CELF4: variants seen among roughly 807,000 people sequenced by gnomAD.
CELF4 encodes CUGBP Elav-like family member 4, also known as CUG-BP- and ETR-3-like factor 4.
A neutral mutation model predicts 59.9 loss-of-function variants in CELF4; 18 were observed. That is an observed-to-expected ratio of 0.30 (90% CI 0.21 to 0.45). CELF4 has a LOEUF of 0.45. CELF4 is among the 20% of genes least tolerant of loss of function. The pLI, the probability that CELF4 is intolerant of heterozygous loss-of-function variation, is 1.00. For synonymous variants in CELF4, 261 were observed against 267.1 expected (o/e 0.98, Z 0.22); for missense variants, 456 against 689.0 (o/e 0.66, Z 3.79).
chr18:37,428,952 C>T (rs2099631354), intron 2 of CELF4, among the ~76,000 whole-genome samples: 1 of 152,174 alleles, frequency 6.6e-6, no homozygotes, highest in African/African-American at 2.4e-5. Context: ...TGGACTGTGT[C>T]TTATTCACCT....
chr18:37,476,320 C>G (rs1288734386), intron 2 of CELF4, among the ~76,000 whole-genome samples: 1 of 152,224 alleles, frequency 6.6e-6, no homozygotes, highest in Non-Finnish European at 1.5e-5. Context: ...GTTGGGCACA[C>G]CAGGCTCACC....
intron 11 of CELF4, among the ~76,000 whole-genome samples, chr18:37,257,243 C>T (rs1035220239): frequency 1.3e-5 from 2 of 152,184 alleles, no homozygotes; most frequent in Non-Finnish European, 2.9e-5. Context: ...GGAGACTAAA[C>T]CTGTTCCAGC....
At position 37,564,296 on chromosome 18, in the gene CELF4, C is replaced by T. The variant is rs182013648; in HGVS notation, c.286+1060G>A. Among the ~76,000 whole-genome samples the T allele has an allele frequency of 1.7e-3, 256 of 152,234 alleles. 1 individual carries two copies. Among genetic ancestry groups the T allele is most frequent in the African/African-American group, 6.0e-3 (249 of 41,556 alleles). Reference sequence around the variant, plus strand: ...CATCCTATATATTACTGTTAGGAAGCGGAGCACTGGGCTAATTTCGTCACC... The same window carrying T: ...CATCCTATATATTACTGTTAGGAAGTGGAGCACTGGGCTAATTTCGTCACC... On this transcript the variant is annotated intron_variant, in intron 1 of 12. Transcript: ENST00000420428.
intron 2 of CELF4, among the ~76,000 whole-genome samples, chr18:37,352,485 A>G (rs983317742): frequency 1.3e-5 from 2 of 152,080 alleles, no homozygotes; most frequent in African/African-American, 4.8e-5. Flanking sequence ...TCTATAAAAA[A>G]TAATTAGCCA....
intron 2 of CELF4, among the ~76,000 whole-genome samples, chr18:37,322,553 C>T (rs1489360537): frequency 6.6e-6 from 1 of 152,172 alleles, no homozygotes; most frequent in Non-Finnish European, 1.5e-5. Flanking sequence ...GCCTGACTCC[C>T]CTAGCCGCCG....
Position 37,254,037 on chromosome 18 carries a change from G to T in CELF4, c.1334-99C>A. On this transcript the variant is annotated intron_variant, in intron 11 of 12. Transcript: ENST00000420428. This position sits in a 1 kb window ranked among gnomAD's most constrained non-coding sequence, Gnocchi z 5.1. Reference sequence around the variant, plus strand: ...GGGGACAGGGGGGCGGGGCGGGCCTGAGGCTCTCCCCCTCGGGCCCCGCCC... The same window carrying T: ...GGGGACAGGGGGGCGGGGCGGGCCTTAGGCTCTCCCCCTCGGGCCCCGCCC... The T allele has an allele frequency of 1.1e-6, 1 of 897,344 alleles. No homozygotes were observed. The highest frequency in any genetic ancestry group is 4.3e-5 in the Admixed American group (1 of 23,068). The allele number at this position is 897,344 out of a possible 1,614,324, so 55.6% of individuals were successfully genotyped here.
chr18:37,353,370 G>A (rs2098499666), intron 2 of CELF4, among the ~76,000 whole-genome samples: 1 of 151,834 alleles, frequency 6.6e-6, no homozygotes, highest in South Asian at 2.1e-4. Flanking sequence ...CAGCAATGGA[G>A]TGACGGGGCT....
intron 11 of CELF4, among the ~76,000 whole-genome samples, chr18:37,258,449 A>G (rs11662682): frequency 0.12 from 18,252 of 152,064 alleles, 1,384 homozygotes; most frequent in Non-Finnish European, 0.16. Context: ...TCGTTTCATT[A>G]TTAGGTGCCT....
intron 1 of CELF4, among the ~76,000 whole-genome samples, chr18:37,544,087 A>T (rs945998646): frequency 2.7e-5 from 4 of 149,274 alleles, no homozygotes; most frequent in Non-Finnish European, 5.9e-5. Flanking sequence ...CCAGGAAGGG[A>T]GGGCTGAGGT....
At chr18:37,385,296 A>G (rs1351085487) in intron 2 of CELF4, among the ~76,000 whole-genome samples, 3 of 143,720 alleles carry the variant, frequency 2.1e-5, no homozygotes. Context: ...CGGAGGTTGC[A>G]GTGAGTGGAG....
At chr18:37,468,644 G>A (rs1015841575) in intron 2 of CELF4, among the ~76,000 whole-genome samples, 1 of 152,158 alleles carries the variant, frequency 6.6e-6, no homozygotes. Flanking sequence ...ACCTGAGACT[G>A]GGTAATTTAT....
intron 2 of CELF4, among the ~76,000 whole-genome samples, chr18:37,362,454 C>T (rs533016718): frequency 3.3e-4 from 50 of 152,262 alleles, no homozygotes; most frequent in Non-Finnish European, 6.3e-4. Context: ...GGCTGGCCGG[C>T]TGTGGGGCTC....
intron 2 of CELF4, among the ~76,000 whole-genome samples, chr18:37,430,858 C>T (rs1008299581): frequency 6.6e-6 from 1 of 152,220 alleles, no homozygotes; most frequent in Non-Finnish European, 1.5e-5. Context: ...GGATCTGGCA[C>T]ATTAGCAGGT....
intron 8 of CELF4, among the ~76,000 whole-genome samples, chr18:37,269,464 G>T (rs2090069094): frequency 6.6e-6 from 1 of 152,190 alleles, no homozygotes; most frequent in Non-Finnish European, 1.5e-5. Context: ...GAGAATGTCT[G>T]GGCTTATGTG....
chr18:37,537,189 TTGATCA>T (rs566890192), intron 1 of CELF4, among the ~76,000 whole-genome samples: 48 of 152,308 alleles, frequency 3.2e-4, no homozygotes, highest in Non-Finnish European at 5.7e-4. Context: ...TATCACCACC[TTGATCA>T]TGACTTTCAT....
At chr18:37,302,422 G>A (rs2096115814) in intron 3 of CELF4, among the ~76,000 whole-genome samples, 2 of 152,194 alleles carry the variant, frequency 1.3e-5, no homozygotes, top group African/African-American at 2.4e-5. Context: ...CTTATTGGAT[G>A]GGAATTATCG....
At chr18:37,508,065 G>C (rs1190974858) in intron 1 of CELF4, among the ~76,000 whole-genome samples, 1 of 152,196 alleles carries the variant, frequency 6.6e-6, no homozygotes, top group African/African-American at 2.4e-5. Flanking sequence ...CAGTTCCTGG[G>C]AGCTGTTACC....
At chr18:37,342,442 GC>G (rs2098088908) in intron 2 of CELF4, among the ~76,000 whole-genome samples, 1 of 152,182 alleles carries the variant, frequency 6.6e-6, no homozygotes, top group South Asian at 2.1e-4. Context: ...GTTTCCTGAT[GC>G]TGCAGCCTGG....
intron 1 of CELF4, among the ~76,000 whole-genome samples, chr18:37,563,716 G>A (rs979693366): frequency 6.6e-6 from 1 of 151,924 alleles, no homozygotes; most frequent in African/African-American, 2.4e-5. Context: ...CTCCATTACA[G>A]CCCCCACCCT....
Sources: allele counts gnomAD v4.1 joint callset (sites outside exome capture counted in the v4.1 genomes callset), GRCh38; gene constraint gnomAD v4.1.1; non-coding constraint Gnocchi (gnomAD v3.1); transcripts MANE v1.5; gene names NCBI Gene and HGNC (gene_info 2026-07-23, HGNC 2026-07-21).